GPA33: variants seen among roughly 807,000 people sequenced by gnomAD.
GPA33 encodes the protein glycoprotein A33.
Under a neutral mutation model 35.6 loss-of-function variants are expected in GPA33, and 27 were observed. That is an observed-to-expected ratio of 0.76 (90% CI 0.56 to 1.04). GPA33 has a LOEUF of 1.04. Among genes scored for constraint, GPA33 ranks in the 50% least tolerant of loss-of-function variants. The pLI, the probability that GPA33 is intolerant of heterozygous loss-of-function variation, is 0.00. For synonymous variants in GPA33, 176 were observed against 164.0 expected (o/e 1.07, Z -0.56); for missense variants, 428 against 411.9 (o/e 1.04, Z -0.34).
At chr1:167,088,994 T>A (rs1022461229) in intron 1 of GPA33, among the ~76,000 whole-genome samples, 1 of 152,210 alleles carries the variant, frequency 6.6e-6, no homozygotes. Context: ...CTGCACAAAC[T>A]ATGTGCTCAG....
Position 167,081,769 on chromosome 1 carries a change from C to T in GPA33, c.44-8230G>A, listed in dbSNP as rs186342906. Among the ~76,000 whole-genome samples, 1,155 of 152,318 alleles carry T rather than the reference C, an allele frequency of 7.6e-3. 13 individuals are homozygous for T. Among genetic ancestry groups the T allele is most frequent in the Non-Finnish European group, 0.012 (816 of 68,030 alleles). On this transcript the variant is annotated intron_variant, in intron 1 of 6. Transcript: ENST00000367868. The stretch of plus-strand genomic sequence containing the variant: ...GTTGATATGGGCTGTGCATCAGGCT[C>T]CTTCCCTCAACAGATGGCAGGCTCC...
chr1:167,062,646 C>CTTTTTTTTTTTTTT lies in GPA33; in HGVS notation c.571+922_571+935dup, dbSNP rs768326263. On this transcript the variant is annotated intron_variant, in intron 4 of 6. Coordinates refer to ENST00000367868, the MANE Select transcript of GPA33 (RefSeq NM_005814.3). ...TGGTAGGATTTTTATATAGCTCTTT[C>CTTTTTTTTTTTTTT]TTTTTTTTTTTTTTTTTTTTTCAGT... Among the ~76,000 whole-genome samples, 219 of 79,962 alleles carry CTTTTTTTTTTTTTT rather than the reference C, an allele frequency of 2.7e-3. 8 individuals carry two copies. The highest frequency in any genetic ancestry group is 0.01 in the Middle Eastern group (1 of 100). The allele number at this position is 79,962 out of a possible 152,430, so 52.5% of individuals were successfully genotyped here. A position where few individuals can be genotyped will look rare whatever the true frequency, so the allele number is the denominator to read the frequency against.
chr1:167,069,048 G>A lies in GPA33; in HGVS notation c.289C>T (p.Gln97Ter). The change falls in exon 3 of 7, where the codon CAG becomes TAG. Residue 97 changes from glutamine to a stop codon, truncating the protein, a stop_gained. Coordinates refer to ENST00000367868, the MANE Select transcript of GPA33 (RefSeq NM_005814.3). LOFTEE classifies it high-confidence loss of function. ...TCAATGGTGATGGAGGCATCGGACT[G>A]CTCAGCATTGTTGGATATGCTGACG... ...NRVSISNNAE[Q>*]SDASITIDQL... 1.9e-6 allele frequency: 3 copies of A among 1,613,458 alleles called. No individual in the cohort carries two copies. Among genetic ancestry groups the A allele is most frequent in the Non-Finnish European group, 2.5e-6 (3 of 1,179,370 alleles).
At chr1:167,083,347 CAGCCTGGAGGAGGA>C (rs1666989998) in intron 1 of GPA33, among the ~76,000 whole-genome samples, 1 of 152,150 alleles carries the variant, frequency 6.6e-6, no homozygotes, top group South Asian at 2.1e-4. Flanking sequence ...CAAGCAGGGG[CAGCCTGGAGGAGGA>C]AGAAAAGCAG....
intron 1 of GPA33, among the ~76,000 whole-genome samples, chr1:167,074,565 A>G (rs947900328): frequency 6.6e-6 from 1 of 152,170 alleles, no homozygotes; most frequent in African/African-American, 2.4e-5. Context: ...GATTGTTATT[A>G]TTTTAAGTAC....
At chr1:167,074,256 T>C (rs947984672) in intron 1 of GPA33, among the ~76,000 whole-genome samples, 3 of 151,882 alleles carry the variant, frequency 2.0e-5, no homozygotes, top group Non-Finnish European at 2.9e-5. Flanking sequence ...GACTCCAGTG[T>C]AAGGGATGTT....
At chr1:167,072,922 C>T (rs376756179) in intron 2 of GPA33, among the ~76,000 whole-genome samples, 1 of 151,554 alleles carries the variant, frequency 6.6e-6, no homozygotes, top group Non-Finnish European at 1.5e-5. Flanking sequence ...ACAGGAGAAG[C>T]AGGGATGGGA....
chr1:167,055,857 G>A lies in GPA33; in HGVS notation c.572-8C>T, dbSNP rs1666235961. ...AGACAGGCTGACCTGAGGCTGCAGG[G>A]GAAGAAGAGTCAGGGTGAAGAGAGG... On this transcript the variant is annotated splice_polypyrimidine_tract_variant and splice_region_variant and intron_variant, in intron 4 of 6. Coordinates refer to ENST00000367868, the MANE Select transcript of GPA33 (RefSeq NM_005814.3). The A allele has an allele frequency of 1.2e-6, 2 of 1,613,728 alleles. No homozygotes were observed. Among genetic ancestry groups the A allele is most frequent in the Non-Finnish European group, 1.7e-6 (2 of 1,179,830 alleles).
intron 4 of GPA33, among the ~76,000 whole-genome samples, chr1:167,061,599 T>TG (rs1553243427): frequency 3.6e-4 from 50 of 140,460 alleles, no homozygotes; most frequent in African/African-American, 1.3e-3. Context: ...TTTTTTTTTT[T>TG]TTTTTTTTTT....
At position 167,054,316 on chromosome 1, in the gene GPA33, C is replaced by T; in HGVS notation, c.*18G>A. 6.2e-7 allele frequency: 1 copy of T among 1,613,874 alleles called. No individual in the cohort carries two copies. The highest frequency in any genetic ancestry group is 8.5e-7 in the Non-Finnish European group (1 of 1,179,924). On this transcript the variant is annotated 3_prime_UTR_variant, in exon 7 of 7. Transcript: ENST00000367868. ...TGAACCCCTAACCCTTCCTCCGCCG[C>T]CCTCTGCTGCTGGCCTGTCACTGGT... is the stretch of plus-strand genomic sequence containing the variant.
intron 1 of GPA33, among the ~76,000 whole-genome samples, chr1:167,085,020 T>G (rs1482522411): frequency 6.6e-6 from 1 of 152,168 alleles, no homozygotes; most frequent in Non-Finnish European, 1.5e-5. Flanking sequence ...GTTTGAGAGT[T>G]TTCAGTGTTC....
chr1:167,065,787 C>T (rs1666579365), intron 3 of GPA33, among the ~76,000 whole-genome samples: 1 of 152,150 alleles, frequency 6.6e-6, no homozygotes, highest in Admixed American at 6.6e-5. Context: ...TAGAGGCCCT[C>T]CCTGATTGTC....
chr1:167,054,724 C>T (rs1459252552), intron 6 of GPA33, among the ~76,000 whole-genome samples: 2 of 152,174 alleles, frequency 1.3e-5, no homozygotes, highest in African/African-American at 4.8e-5. Context: ...GGGCTCCAGG[C>T]CACACTTGGC....
intron 4 of GPA33, among the ~76,000 whole-genome samples, chr1:167,062,723 T>C (rs1164661342): frequency 2.7e-5 from 4 of 146,020 alleles, no homozygotes; most frequent in African/African-American, 1.0e-4. Context: ...ACTGGTCTCC[T>C]GGCAACTATA....
rs576714423 is a variant in GPA33 at position 167,063,665 on chromosome 1, T to G, written c.488A>C (p.Gln163Pro). 1.9e-6 allele frequency: 3 copies of G among 1,613,720 alleles called. No homozygotes were observed. In the East Asian group the frequency reaches 6.7e-5, roughly 36 times the overall value. ...AGGGGTTGGTGAGCCCTCCTTTGATTGGCAGGTCAGCTGGATGTTGTTCCC... is the reference window on the plus strand; with the variant it reads ...AGGGGTTGGTGAGCCCTCCTTTGATGGGCAGGTCAGCTGGATGTTGTTCCC... ...IIGNNIQLTCQSKEGSPTPQY... is the reference protein window; with the variant it reads ...IIGNNIQLTCPSKEGSPTPQY... The change falls in exon 4 of 7, where the codon CAA (glutamine) becomes CCA (proline). Residue 163 changes from glutamine to proline, a missense_variant. Gln to Pro is a moderately conservative substitution (Grantham distance 76). Coordinates refer to ENST00000367868, the MANE Select transcript of GPA33 (RefSeq NM_005814.3).
chr1:167,061,759 C>T lies in GPA33; in HGVS notation c.571+1823G>A, dbSNP rs544461856. ...CTGGGACTACAGGCGTCCGCCACCA[C>T]GTCCGGCTAATTTTTTGTATTTTTA... On this transcript the variant is annotated intron_variant, in intron 4 of 6. Coordinates refer to ENST00000367868, the MANE Select transcript of GPA33 (RefSeq NM_005814.3). Among the ~76,000 whole-genome samples, 36 of 152,108 alleles carry T rather than the reference C, an allele frequency of 2.4e-4. No individual in the cohort carries two copies. In the East Asian group the frequency reaches 6.2e-3, roughly 26 times the overall value.
intron 1 of GPA33, among the ~76,000 whole-genome samples, chr1:167,081,876 G>C (rs543572221): frequency 3.7e-4 from 56 of 152,330 alleles, no homozygotes; most frequent in African/African-American, 1.2e-3. Flanking sequence ...ACTGAGCTGG[G>C]TCCTAATAAG....
intron 1 of GPA33, among the ~76,000 whole-genome samples, chr1:167,074,355 G>A (rs1019135509): frequency 2.0e-5 from 3 of 151,954 alleles, no homozygotes; most frequent in Non-Finnish European, 2.9e-5. Context: ...ACATTCTGAA[G>A]GGAGGTAAGC....
chr1:167,062,466 C>A (rs1271316484), intron 4 of GPA33, among the ~76,000 whole-genome samples: 1 of 151,914 alleles, frequency 6.6e-6, no homozygotes, highest in African/African-American at 2.4e-5. Flanking sequence ...AGTGATCCTC[C>A]TGCCTCAGCC....
Sources: allele counts gnomAD v4.1 joint callset (sites outside exome capture counted in the v4.1 genomes callset), GRCh38; gene constraint gnomAD v4.1.1; transcripts MANE v1.5; gene names NCBI Gene and HGNC (gene_info 2026-07-23, HGNC 2026-07-21).